Variants in LRRTM3 observed in about 807,000 individuals in gnomAD.
LRRTM3 encodes the protein leucine-rich repeat transmembrane neuronal protein 3.
LRRTM3 carries 24 observed loss-of-function variants against 44.7 expected under a neutral mutation model. The ratio of observed to expected loss-of-function variants is 0.54; its 90% CI spans 0.39 to 0.76. LRRTM3 has a LOEUF of 0.76. LRRTM3 is among the 30% of genes least tolerant of loss of function. The pLI is 0.00. For synonymous variants in LRRTM3, 277 were observed against 278.7 expected, an observed-to-expected ratio of 0.99 and a Z score of 0.06; for missense variants, 587 against 702.2, an observed-to-expected ratio of 0.84 and a Z score of 1.85.
chr10:66,983,906 A>C (rs12775004), intron 2 of LRRTM3, among the ~76,000 whole-genome samples: 7,266 of 152,320 alleles, frequency 0.048, 210 homozygotes, highest in Middle Eastern at 0.071. Flanking sequence ...CTCTATGCTA[A>C]GTCCTTTGCA....
intron 2 of LRRTM3, among the ~76,000 whole-genome samples, chr10:67,035,630 A>T (rs1003051821): frequency 4.6e-5 from 7 of 152,194 alleles, no homozygotes; most frequent in African/African-American, 1.2e-4. Flanking sequence ...AGGAAAATTT[A>T]AAAAGCCCAA....
intron 2 of LRRTM3, among the ~76,000 whole-genome samples, chr10:67,085,960 C>T (rs1319433669): frequency 6.6e-6 from 1 of 151,948 alleles, no homozygotes; most frequent in Non-Finnish European, 1.5e-5. Context: ...AGATCTTTCC[C>T]TCCACTCTCA....
At chr10:67,005,481 A>G (rs185410684) in intron 2 of LRRTM3, among the ~76,000 whole-genome samples, 201 of 152,032 alleles carry the variant, frequency 1.3e-3, no homozygotes, top group African/African-American at 4.2e-3. Flanking sequence ...CACATAGGCC[A>G]TAGGTTTTAT....
chr10:66,934,164 A>T (rs757423068), intron 2 of LRRTM3, among the ~76,000 whole-genome samples: 37 of 152,166 alleles, frequency 2.4e-4, no homozygotes, highest in Admixed American at 5.9e-4. Flanking sequence ...TATAAGCAAT[A>T]ATAATCCATT....
chr10:67,048,525 G>T (rs1370244203), intron 2 of LRRTM3, among the ~76,000 whole-genome samples: 1 of 151,968 alleles, frequency 6.6e-6, no homozygotes, highest in African/African-American at 2.4e-5. Context: ...CTAATATACT[G>T]CAAGTTACTA....
chr10:66,967,689 C>T (rs1243331523), intron 2 of LRRTM3, among the ~76,000 whole-genome samples: 4 of 151,938 alleles, frequency 2.6e-5, no homozygotes, highest in African/African-American at 7.2e-5. Flanking sequence ...TAAAAATGAA[C>T]GTTCTAAAAA....
At position 67,099,871 on chromosome 10, in the gene LRRTM3, T is replaced by C. The variant is rs1858239102; in HGVS notation, c.*2075T>C. ...TTATTCTTATTCTTAATTCTCTACA[T>C]TGAAATTTGGCTTTACGTCGTTAGC... is the stretch of plus-strand genomic sequence containing the variant. On this transcript the variant is annotated 3_prime_UTR_variant, in exon 3 of 3. Transcript: ENST00000361320. 2 of 151,770 alleles carry C rather than the reference T, an allele frequency of 1.3e-5. No individual in the cohort carries two copies. The highest frequency in any genetic ancestry group is 2.4e-5 in the African/African-American group (1 of 41,378). 9.4% of individuals were successfully genotyped at this position (151,770 alleles called of 1,614,324 possible).
intron 2 of LRRTM3, among the ~76,000 whole-genome samples, chr10:67,011,715 A>C (rs1176346746): frequency 6.6e-6 from 1 of 152,200 alleles, no homozygotes; most frequent in African/African-American, 2.4e-5. Flanking sequence ...TACTTTTCTA[A>C]GCACTTTATA....
At chr10:67,038,630 G>A (rs778104897) in intron 2 of LRRTM3, among the ~76,000 whole-genome samples, 23 of 151,986 alleles carry the variant, frequency 1.5e-4, no homozygotes, top group Non-Finnish European at 2.4e-4. Context: ...TTGTTATCTG[G>A]TCTTTCAACC....
chr10:66,953,951 G>T (rs1848666395), intron 2 of LRRTM3, among the ~76,000 whole-genome samples: 1 of 152,022 alleles, frequency 6.6e-6, no homozygotes, highest in African/African-American at 2.4e-5. Flanking sequence ...TATCTCAAAA[G>T]GTTGTTAAGA....
intron 2 of LRRTM3, among the ~76,000 whole-genome samples, chr10:67,092,723 A>G (rs1857729451): frequency 2.0e-5 from 3 of 152,002 alleles, no homozygotes; most frequent in African/African-American, 7.2e-5. Context: ...GTTATTTTTA[A>G]CCATCTAACT....
intron 2 of LRRTM3, among the ~76,000 whole-genome samples, chr10:66,954,732 A>C (rs1428187886): frequency 6.6e-6 from 1 of 152,172 alleles, no homozygotes; most frequent in Non-Finnish European, 1.5e-5. Context: ...GTCACAGCCC[A>C]GGTATACCCT....
intron 2 of LRRTM3, among the ~76,000 whole-genome samples, chr10:66,999,246 G>C (rs1312560564): frequency 1.3e-5 from 2 of 152,026 alleles, no homozygotes; most frequent in African/African-American, 4.8e-5. Flanking sequence ...AAAGGTATCA[G>C]TTAAAAGACC....
At chr10:67,079,383 T>C (rs991058710) in intron 2 of LRRTM3, among the ~76,000 whole-genome samples, 2 of 152,224 alleles carry the variant, frequency 1.3e-5, no homozygotes, top group African/African-American at 4.8e-5. Context: ...AGTTCCTAGA[T>C]ATAATATCTA....
chr10:66,955,430 C>T (rs1253234302), intron 2 of LRRTM3, among the ~76,000 whole-genome samples: 1 of 152,120 alleles, frequency 6.6e-6, no homozygotes, highest in African/African-American at 2.4e-5. Flanking sequence ...AAAATACATT[C>T]CAAATGACAA....
At chr10:67,015,795 T>A (rs1852620229) in intron 2 of LRRTM3, among the ~76,000 whole-genome samples, 1 of 152,152 alleles carries the variant, frequency 6.6e-6, no homozygotes, top group African/African-American at 2.4e-5. Flanking sequence ...TTGTCTCTCT[T>A]TTCCCTGTCT....
chr10:66,982,034 T>C (rs1178151956), intron 2 of LRRTM3, among the ~76,000 whole-genome samples: 1 of 152,182 alleles, frequency 6.6e-6, no homozygotes, highest in Non-Finnish European at 1.5e-5. Flanking sequence ...CCCTCACCTT[T>C]AATGATGAGG....
chr10:67,061,124 T>C (rs1925591), intron 2 of LRRTM3, among the ~76,000 whole-genome samples: 18,091 of 152,132 alleles, frequency 0.12, 1,273 homozygotes, highest in African/African-American at 0.2. Flanking sequence ...GTTTGGGGAA[T>C]AGCAGAATAG....
intron 2 of LRRTM3, among the ~76,000 whole-genome samples, chr10:67,081,439 G>A (rs1343600814): frequency 2.6e-5 from 4 of 152,146 alleles, no homozygotes; most frequent in Non-Finnish European, 4.4e-5. Flanking sequence ...CAACAAAACT[G>A]TAAGATGCAG....
Sources: allele counts gnomAD v4.1 joint callset (sites outside exome capture counted in the v4.1 genomes callset), GRCh38; gene constraint gnomAD v4.1.1; transcripts MANE v1.5; gene names NCBI Gene and HGNC (gene_info 2026-07-23, HGNC 2026-07-21).